The following CDH13 variants were observed in gnomAD, a reference collection of about 807,000 sequenced individuals.
CDH13 encodes cadherin 13, also known as cadherin-13.
In CDH13, 24 loss-of-function variants were observed where a neutral mutation model predicts 63.8. That is an observed-to-expected ratio of 0.38 (90% CI 0.27 to 0.53). The LOEUF (loss-of-function observed/expected upper bound fraction) is 0.53, where lower values mean the gene tolerates loss of function less well. CDH13 is among the 20% of genes least tolerant of loss of function. The pLI, the probability that CDH13 is intolerant of heterozygous loss-of-function variation, is 0.85. For synonymous variants in CDH13, 503 were observed against 355.3 expected (o/e 1.42, Z -4.67); for missense variants, 1,049 against 903.1 (o/e 1.16, Z -2.07).
At chr16:82,802,454 C>G (rs2036913462) in intron 1 of CDH13, among the ~76,000 whole-genome samples, 1 of 152,116 alleles carries the variant, frequency 6.6e-6, no homozygotes, top group Non-Finnish European at 1.5e-5. Flanking sequence ...ATTCAGTGAT[C>G]TGTTGAGAGA....
At chr16:82,941,788 G>A (rs1236801159) in intron 2 of CDH13, among the ~76,000 whole-genome samples, 1 of 152,058 alleles carries the variant, frequency 6.6e-6, no homozygotes, top group African/African-American at 2.4e-5. Context: ...GCTATCACAT[G>A]GCATGATTAT....
At chr16:83,763,360 T>G (rs1914129288) in intron 11 of CDH13, among the ~76,000 whole-genome samples, 1 of 152,214 alleles carries the variant, frequency 6.6e-6, no homozygotes, top group South Asian at 2.1e-4. Context: ...GTTCCAATAA[T>G]GCCAGCTGAT....
chr16:82,777,983 A>G (rs1250443516), intron 1 of CDH13, among the ~76,000 whole-genome samples: 1 of 152,222 alleles, frequency 6.6e-6, no homozygotes, highest in African/African-American at 2.4e-5. Flanking sequence ...ACAGTTTTTG[A>G]TAACAGTCAT....
intron 2 of CDH13, among the ~76,000 whole-genome samples, chr16:83,019,180 A>G (rs1915102848): frequency 6.6e-6 from 1 of 152,228 alleles, no homozygotes; most frequent in Admixed American, 6.5e-5. Flanking sequence ...TTACAACACA[A>G]ACACATTGTA....
intron 5 of CDH13, among the ~76,000 whole-genome samples, chr16:83,228,866 G>T (rs1408507240): frequency 6.6e-6 from 1 of 152,198 alleles, no homozygotes; most frequent in East Asian, 1.9e-4. Flanking sequence ...GGACTGATCC[G>T]GTTGACATGC....
intron 8 of CDH13, among the ~76,000 whole-genome samples, chr16:83,653,319 A>G (rs564770682): frequency 6.6e-6 from 1 of 152,372 alleles, no homozygotes; most frequent in African/African-American, 2.4e-5. Flanking sequence ...TCATAGCGCA[A>G]TAAAACTGTT....
intron 8 of CDH13, among the ~76,000 whole-genome samples, chr16:83,647,812 G>T (rs986843533): frequency 4.6e-5 from 7 of 152,162 alleles, no homozygotes; most frequent in Admixed American, 4.6e-4. Flanking sequence ...AAGAGATTCT[G>T]TCCAGGAGTC....
At chr16:83,645,236 T>G (rs1911680517) in intron 8 of CDH13, among the ~76,000 whole-genome samples, 1 of 152,206 alleles carries the variant, frequency 6.6e-6, no homozygotes, top group Non-Finnish European at 1.5e-5. Context: ...TGAAATCCTG[T>G]CCTTTGCAGC....
At chr16:82,666,522 C>T (rs760889435) in intron 1 of CDH13, among the ~76,000 whole-genome samples, 1 of 152,112 alleles carries the variant, frequency 6.6e-6, no homozygotes, top group Non-Finnish European at 1.5e-5. Context: ...AGGCAGTGGG[C>T]TATAAGGGGA....
At chr16:82,858,285 A>C in intron 1 of CDH13, 77 bp from the exon 2 acceptor site, 2 of 859,938 alleles carry the variant, frequency 2.3e-6, no homozygotes, top group Non-Finnish European at 3.8e-6. Context: ...TGTTTCTAAA[A>C]GTTGCGGATT....
At chr16:83,090,784 C>G (rs1388366411) in intron 3 of CDH13, among the ~76,000 whole-genome samples, 1 of 151,900 alleles carries the variant, frequency 6.6e-6, no homozygotes, top group African/African-American at 2.4e-5. Context: ...GGTTTATAGA[C>G]CAGACTTCAG....
In CDH13 at chr16:83,673,918, A is replaced by C. The variant is rs371111448; in HGVS notation, c.1284+2946A>C. Among the ~76,000 whole-genome samples, 71 of 152,316 alleles carry C rather than the reference A, an allele frequency of 4.7e-4. 1 individual carries two copies. The South Asian group carries it at 0.014, about 31-fold the overall frequency. On this transcript the variant is annotated intron_variant, in intron 9 of 13. Transcript: ENST00000567109. ...AGAGGCTGATGCTCTTGCTGACTTCAGCTTTGCTAGTGAGTGGACTTTCTT... is the reference window on the plus strand; with the variant it reads ...AGAGGCTGATGCTCTTGCTGACTTCCGCTTTGCTAGTGAGTGGACTTTCTT...
chr16:83,226,726 C>T (rs1425530833), intron 5 of CDH13, among the ~76,000 whole-genome samples: 4 of 152,166 alleles, frequency 2.6e-5, no homozygotes, highest in Non-Finnish European at 4.4e-5. Flanking sequence ...AGCAGCCCAG[C>T]GAATTTACAG....
At chr16:83,735,509 T>C (rs976740282) in intron 10 of CDH13, 1 of 152,208 alleles carries the variant, frequency 6.6e-6, no homozygotes, top group African/African-American at 2.4e-5. Context: ...TTTGTATACA[T>C]AGAAACTTTG....
chr16:83,291,877 A>G (rs528372852), intron 5 of CDH13, among the ~76,000 whole-genome samples: 25 of 152,308 alleles, frequency 1.6e-4, no homozygotes, highest in African/African-American at 5.3e-4. Context: ...ATTCTTTTCC[A>G]TATAGCTAAT....
chr16:82,848,374 A>G (rs1187590708), intron 1 of CDH13, among the ~76,000 whole-genome samples: 1 of 152,180 alleles, frequency 6.6e-6, no homozygotes, highest in East Asian at 1.9e-4. Context: ...GAATAACCCA[A>G]TTTGTAGGAT....
intron 2 of CDH13, among the ~76,000 whole-genome samples, chr16:82,935,847 C>T (rs547952342): frequency 4.6e-5 from 7 of 151,940 alleles, no homozygotes; most frequent in Non-Finnish European, 7.4e-5. Flanking sequence ...AGGTTTAACA[C>T]GTAGAAGAGA....
At chr16:82,966,213 A>T (rs1907792663) in intron 2 of CDH13, among the ~76,000 whole-genome samples, 1 of 152,098 alleles carries the variant, frequency 6.6e-6, no homozygotes, top group African/African-American at 2.4e-5. Context: ...CAGTGGTGCG[A>T]TCTCGGCCCA....
rs1452803418 is a variant in CDH13 at position 83,047,495 on chromosome 16, C to T, written c.366+15277C>T. Among the ~76,000 whole-genome samples the T allele has an allele frequency of 1.3e-5, 2 of 151,952 alleles. No homozygotes were observed. Among genetic ancestry groups the T allele is most frequent in the Non-Finnish European group, 1.5e-5 (1 of 68,010 alleles). On this transcript the variant is annotated intron_variant, in intron 3 of 13. Coordinates refer to ENST00000567109, the MANE Select transcript of CDH13 (RefSeq NM_001257.5). The surrounding 1 kb of genome is among the most constrained non-coding windows in gnomAD (Gnocchi z 4.9). ...ATTTCCTCTTTCCCTCAGGCCTTTG[C>T]GTAATATTTTCTCTGCATGGAAGGG...
Sources: allele counts gnomAD v4.1 joint callset (sites outside exome capture counted in the v4.1 genomes callset), GRCh38; gene constraint gnomAD v4.1.1; non-coding constraint Gnocchi (gnomAD v3.1); transcripts MANE v1.5; gene names NCBI Gene and HGNC (gene_info 2026-07-23, HGNC 2026-07-21).